Variants in GPC5 observed in about 807,000 individuals in gnomAD.
The protein encoded by GPC5 is glypican 5, also known as glypican-5.
A neutral mutation model predicts 53.9 loss-of-function variants in GPC5; 47 were observed. The ratio of observed to expected loss-of-function variants is 0.87; its 90% CI spans 0.69 to 1.11. The LOEUF (loss-of-function observed/expected upper bound fraction) is 1.11, where lower values mean the gene tolerates loss of function less well. Ranked by LOEUF, GPC5 falls within the 50% of genes most tolerant of loss-of-function variation. The pLI is 0.00. For missense variants in GPC5, 748 were observed against 713.1 expected (o/e 1.05, Z -0.56); for synonymous variants, 286 against 263.3 (o/e 1.09, Z -0.84).
At chr13:92,151,999 G>A (rs1346094160) in intron 7 of GPC5, among the ~76,000 whole-genome samples, 1 of 152,112 alleles carries the variant, frequency 6.6e-6, no homozygotes, top group East Asian at 1.9e-4. Context: ...CTGACAATAG[G>A]GATGAGAAGG....
chr13:91,461,872 G>A (rs1040816676), intron 2 of GPC5, among the ~76,000 whole-genome samples: 2 of 152,080 alleles, frequency 1.3e-5, no homozygotes, highest in African/African-American at 2.4e-5. Context: ...TGATGGGGCT[G>A]CCAAGAGTCA....
At chr13:92,454,199 AGTTT>A (rs148770006) in intron 7 of GPC5, among the ~76,000 whole-genome samples, 14,158 of 152,152 alleles carry the variant, frequency 0.093, 802 homozygotes, top group Non-Finnish European at 0.13. Context: ...GTTTGTGATG[AGTTT>A]GTTTGTTTTT....
chr13:91,828,773 A>C (rs1684184607), intron 5 of GPC5, among the ~76,000 whole-genome samples: 1 of 152,024 alleles, frequency 6.6e-6, no homozygotes, highest in African/African-American at 2.4e-5. Context: ...TAAAGTAGGA[A>C]TCTATGAACC....
intron 5 of GPC5, among the ~76,000 whole-genome samples, chr13:91,837,524 G>A (rs2038735020): frequency 6.6e-6 from 1 of 152,056 alleles, no homozygotes; most frequent in Admixed American, 6.6e-5. Context: ...TAACAAAAAA[G>A]GAAGGAAAAA....
At chr13:91,819,888 C>T (rs541870178) in intron 5 of GPC5, among the ~76,000 whole-genome samples, 5 of 152,264 alleles carry the variant, frequency 3.3e-5, no homozygotes, top group African/African-American at 9.6e-5. Flanking sequence ...TCCACATCCT[C>T]CGCAACACAT....
At chr13:91,616,036 A>G (rs1250687801) in intron 2 of GPC5, among the ~76,000 whole-genome samples, 4 of 152,148 alleles carry the variant, frequency 2.6e-5, no homozygotes, top group Admixed American at 6.6e-5. Context: ...CAGTGATTAT[A>G]TTGACAGATA....
intron 7 of GPC5, among the ~76,000 whole-genome samples, chr13:92,833,058 C>T (rs1011505168): frequency 2.0e-5 from 3 of 152,054 alleles, no homozygotes; most frequent in East Asian, 3.9e-4. Context: ...CAGTGAGATA[C>T]ATCTAACAAT....
chr13:92,234,831 C>G (rs2042558779), intron 7 of GPC5, among the ~76,000 whole-genome samples: 2 of 152,104 alleles, frequency 1.3e-5, no homozygotes, highest in African/African-American at 4.8e-5. Context: ...TATCCACTGT[C>G]TCTCAAATAC....
At chr13:92,301,897 A>AAAAT (rs1301742621) in intron 7 of GPC5, among the ~76,000 whole-genome samples, 5 of 151,938 alleles carry the variant, frequency 3.3e-5, no homozygotes, top group African/African-American at 1.2e-4. Context: ...GACTGTCTCA[A>AAAAT]AAATAAATAA....
intron 7 of GPC5, among the ~76,000 whole-genome samples, chr13:92,490,780 T>A (rs12585748): frequency 0.31 from 47,029 of 151,942 alleles, 8,610 homozygotes; most frequent in East Asian, 0.67. Context: ...GAACTAAAAA[T>A]TTTCTTAAAA....
intron 7 of GPC5, among the ~76,000 whole-genome samples, chr13:92,800,415 T>C (rs998333673): frequency 6.6e-6 from 1 of 151,796 alleles, no homozygotes; most frequent in Non-Finnish European, 1.5e-5. Flanking sequence ...TTTAAGATGT[T>C]TATTTGTGAG....
chr13:92,762,173 G>A (rs1361582053), intron 7 of GPC5, among the ~76,000 whole-genome samples: 1 of 151,902 alleles, frequency 6.6e-6, no homozygotes, highest in Non-Finnish European at 1.5e-5. Context: ...TATATCTCTA[G>A]TATGAAGGCT....
At chr13:91,437,286 T>C (rs1466455649) in intron 1 of GPC5, among the ~76,000 whole-genome samples, 4 of 152,252 alleles carry the variant, frequency 2.6e-5, no homozygotes, top group Admixed American at 2.0e-4. Context: ...CTAGCCTCGA[T>C]GGTCTTTACA....
intron 6 of GPC5, among the ~76,000 whole-genome samples, chr13:92,039,512 G>A (rs1430323699): frequency 6.6e-6 from 1 of 152,182 alleles, no homozygotes; most frequent in East Asian, 1.9e-4. Flanking sequence ...AGCAAGTAAG[G>A]AAATATTAGT....
At chr13:92,221,371 AT>A in intron 7 of GPC5, among the ~76,000 whole-genome samples, 1 of 152,302 alleles carries the variant, frequency 6.6e-6, no homozygotes, top group East Asian at 1.9e-4. Flanking sequence ...AGGCATTACT[AT>A]AAAGCTGAAT....
intron 2 of GPC5, among the ~76,000 whole-genome samples, chr13:91,629,050 A>G (rs1173595614): frequency 1.3e-5 from 2 of 152,146 alleles, no homozygotes; most frequent in Non-Finnish European, 2.9e-5. Context: ...ACGTAAAATG[A>G]TTTCTCTGGC....
At chr13:92,356,864 C>A (rs760674352) in intron 7 of GPC5, among the ~76,000 whole-genome samples, 4 of 152,172 alleles carry the variant, frequency 2.6e-5, no homozygotes, top group African/African-American at 4.8e-5. Context: ...TCCTCCTCCC[C>A]ACTCCACCTT....
intron 2 of GPC5, among the ~76,000 whole-genome samples, chr13:91,554,896 C>T (rs960100247): frequency 6.6e-6 from 1 of 152,090 alleles, no homozygotes; most frequent in Non-Finnish European, 1.5e-5. Flanking sequence ...CACTTATCTT[C>T]TCTCTTAGCC....
intron 7 of GPC5, among the ~76,000 whole-genome samples, chr13:92,310,429 C>T (rs570927867): frequency 6.6e-6 from 1 of 152,148 alleles, no homozygotes; most frequent in Non-Finnish European, 1.5e-5. Context: ...TCCACCAATA[C>T]TGCAACATAG....
Sources: gnomAD v4.1 joint callset for allele counts (sites outside exome capture counted in the v4.1 genomes callset) on GRCh38, gnomAD v4.1.1 for gene constraint, MANE v1.5 for transcripts, NCBI Gene and HGNC (gene_info 2026-07-23, HGNC 2026-07-21) for gene names.